LRFN5: variants seen among roughly 807,000 people sequenced by gnomAD.
LRFN5 encodes the protein leucine-rich repeat and fibronectin type-III domain-containing protein 5.
In LRFN5, 24 loss-of-function variants were observed where a neutral mutation model predicts 45.6. The ratio of observed to expected loss-of-function variants is 0.53; its 90% CI spans 0.38 to 0.74. The LOEUF (loss-of-function observed/expected upper bound fraction) is 0.74. Ranked by LOEUF, LRFN5 falls within the 30% of genes least tolerant of loss-of-function variation. The pLI, the probability that LRFN5 is intolerant of heterozygous loss-of-function variation, is 0.00. For missense variants in LRFN5, 776 were observed against 861.5 expected (o/e 0.90, Z 1.24); for synonymous variants, 340 against 313.8 (o/e 1.08, Z -0.88).
At chr14:41,898,993 C>G in intron 5 of LRFN5, 33 bp downstream of exon 5, 1 of 1,544,984 alleles carries the variant, frequency 6.5e-7, no homozygotes, top group Non-Finnish European at 8.9e-7. Flanking sequence ...CTTACTTCAA[C>G]ACTTAAATGG....
At chr14:41,747,832 CA>C (rs1884983038) in intron 1 of LRFN5, among the ~76,000 whole-genome samples, 1 of 151,792 alleles carries the variant, frequency 6.6e-6, no homozygotes, top group Admixed American at 6.6e-5. Context: ...TAAGCCAATT[CA>C]AAAATAGATG....
chr14:41,780,125 G>A (rs7146838), intron 2 of LRFN5, among the ~76,000 whole-genome samples: 95,379 of 151,504 alleles, frequency 0.63, 31,113 homozygotes, highest in East Asian at 0.95. Flanking sequence ...GTTAAGTTAT[G>A]GTTTAAGTTT....
chr14:41,615,833 A>G (rs1887910043), intron 1 of LRFN5, among the ~76,000 whole-genome samples: 6 of 152,134 alleles, frequency 3.9e-5, no homozygotes, highest in Admixed American at 2.0e-4. Flanking sequence ...GCAGGTGTAT[A>G]TATTTCTGGG....
chr14:41,746,756 A>G (rs1884937164), intron 1 of LRFN5, among the ~76,000 whole-genome samples: 1 of 152,068 alleles, frequency 6.6e-6, no homozygotes, highest in Admixed American at 6.6e-5. Flanking sequence ...AGAAAGAAAT[A>G]AAATTATCTC....
At chr14:41,760,278 G>A (rs543930628) in intron 1 of LRFN5, among the ~76,000 whole-genome samples, 81 of 152,102 alleles carry the variant, frequency 5.3e-4, no homozygotes, top group African/African-American at 1.9e-3. Flanking sequence ...TCAGACATAG[G>A]GTCTTACTAT....
At chr14:41,771,322 C>A (rs1378796401) in intron 2 of LRFN5, among the ~76,000 whole-genome samples, 1 of 151,838 alleles carries the variant, frequency 6.6e-6, no homozygotes, top group Non-Finnish European at 1.5e-5. Context: ...TAGCTCATGG[C>A]GTCCTTCTGG....
intron 2 of LRFN5, among the ~76,000 whole-genome samples, chr14:41,844,436 CAAA>C (rs35445324): frequency 7.2e-6 from 1 of 138,556 alleles, no homozygotes; most frequent in Non-Finnish European, 1.6e-5. Context: ...GACTCCGTCT[CAAA>C]AAAAAAAAAA....
intron 2 of LRFN5, among the ~76,000 whole-genome samples, chr14:41,822,193 G>A (rs1049436980): frequency 6.6e-5 from 10 of 151,080 alleles, no homozygotes; most frequent in South Asian, 2.1e-4. Flanking sequence ...CTTTTCTTCC[G>A]CAAATTTTGG....
At chr14:41,846,525 A>C (rs866737148) in intron 2 of LRFN5, among the ~76,000 whole-genome samples, 25 of 152,318 alleles carry the variant, frequency 1.6e-4, no homozygotes, top group African/African-American at 5.8e-4. Flanking sequence ...CATACCATTC[A>C]AAAACTAGCA....
chr14:41,744,228 T>C (rs185085976), intron 1 of LRFN5, among the ~76,000 whole-genome samples: 126 of 152,144 alleles, frequency 8.3e-4, no homozygotes, highest in African/African-American at 2.9e-3. Flanking sequence ...GGTGGTGGCA[T>C]GCACCTGTAG....
At chr14:41,826,962 T>C (rs2139024971) in intron 2 of LRFN5, among the ~76,000 whole-genome samples, 1 of 152,324 alleles carries the variant, frequency 6.6e-6, no homozygotes, top group East Asian at 1.9e-4. Flanking sequence ...AAGTAATTAT[T>C]TTGATTCACA....
intron 1 of LRFN5, among the ~76,000 whole-genome samples, chr14:41,639,949 ATTTTTTTTTTTTTTTT>A (rs34020254): frequency 1.5e-5 from 1 of 68,036 alleles, no homozygotes; most frequent in East Asian, 4.0e-4. Context: ...TGACTGGCTA[ATTTTTTTTTTTTTTTT>A]TTTTTTTTTT....
At chr14:41,813,704 A>G (rs1348112564) in intron 2 of LRFN5, among the ~76,000 whole-genome samples, 1 of 152,116 alleles carries the variant, frequency 6.6e-6, no homozygotes, top group Non-Finnish European at 1.5e-5. Context: ...TTGGCTATAT[A>G]CCCAGTAATG....
chr14:41,665,790 A>G (rs537303765), intron 1 of LRFN5, among the ~76,000 whole-genome samples: 1 of 152,110 alleles, frequency 6.6e-6, no homozygotes, highest in East Asian at 1.9e-4. Context: ...TGTAGACCCG[A>G]TACATCTTAT....
chr14:41,719,686 T>C (rs1441750018), intron 1 of LRFN5, among the ~76,000 whole-genome samples: 1 of 151,974 alleles, frequency 6.6e-6, no homozygotes. Context: ...GATTTTGATA[T>C]ATACTTCAAA....
chr14:41,851,331 C>T (rs934440282), intron 2 of LRFN5, among the ~76,000 whole-genome samples: 32 of 151,540 alleles, frequency 2.1e-4, no homozygotes, highest in African/African-American at 7.7e-4. Context: ...ACTCAGTTTA[C>T]ATGCAAAGCA....
intron 2 of LRFN5, among the ~76,000 whole-genome samples, chr14:41,873,419 C>G (rs199883258): frequency 4.8e-5 from 7 of 146,490 alleles, no homozygotes; most frequent in South Asian, 2.1e-4. Flanking sequence ...GAGAGAGAGA[C>G]AGAGAGAGAG....
At chr14:41,793,555 C>G (rs1484939053) in intron 2 of LRFN5, among the ~76,000 whole-genome samples, 1 of 152,126 alleles carries the variant, frequency 6.6e-6, no homozygotes, top group African/African-American at 2.4e-5. Context: ...AGACCACTGC[C>G]TCCTGGTAGG....
intron 2 of LRFN5, among the ~76,000 whole-genome samples, chr14:41,814,852 C>T (rs1887862062): frequency 1.3e-5 from 2 of 152,110 alleles, no homozygotes; most frequent in South Asian, 4.2e-4. Context: ...CTGTGAAACA[C>T]TTCTGAGACG....
Sources: allele counts gnomAD v4.1 joint callset (sites outside exome capture counted in the v4.1 genomes callset), GRCh38; gene constraint gnomAD v4.1.1; transcripts MANE v1.5; gene names NCBI Gene and HGNC (gene_info 2026-07-23, HGNC 2026-07-21).